TAFA1: variants seen among roughly 807,000 people sequenced by gnomAD.
TAFA1 encodes the protein chemokine-like protein TAFA-1.
In TAFA1, 4 loss-of-function variants were observed where a neutral mutation model predicts 18.5. The observed-to-expected ratio is 0.22, with a 90% confidence interval of 0.11 to 0.49. TAFA1 has a LOEUF of 0.49. TAFA1 is among the 20% of genes least tolerant of loss of function. The pLI is 0.98. For missense variants in TAFA1, 147 were observed against 169.0 expected, an observed-to-expected ratio of 0.87 and a Z score of 0.72; for synonymous variants, 56 against 55.2, an observed-to-expected ratio of 1.01 and a Z score of -0.06.
intron 2 of TAFA1, among the ~76,000 whole-genome samples, chr3:68,070,533 T>C (rs2064741069): frequency 6.6e-6 from 1 of 152,238 alleles, no homozygotes. Context: ...CCCCATTGTC[T>C]TGGGGATTAA....
intron 2 of TAFA1, among the ~76,000 whole-genome samples, chr3:68,156,388 C>T (rs991944494): frequency 3.9e-5 from 6 of 152,120 alleles, no homozygotes; most frequent in African/African-American, 1.4e-4. Flanking sequence ...GACTGGAAAT[C>T]AGGTAGATGT....
intron 2 of TAFA1, among the ~76,000 whole-genome samples, chr3:68,321,064 G>A (rs760399215): frequency 5.9e-5 from 9 of 152,164 alleles, no homozygotes; most frequent in Non-Finnish European, 1.2e-4. Context: ...GGTTGAAATC[G>A]CTGATCTACC....
chr3:68,015,698 T>C (rs1185396198), intron 2 of TAFA1, among the ~76,000 whole-genome samples: 1 of 152,230 alleles, frequency 6.6e-6, no homozygotes, highest in Non-Finnish European at 1.5e-5. Flanking sequence ...TTTAATACTT[T>C]ATGAAAGTTC....
At chr3:68,399,666 G>A (rs373563517) in intron 2 of TAFA1, among the ~76,000 whole-genome samples, 1 of 151,918 alleles carries the variant, frequency 6.6e-6, no homozygotes, top group African/African-American at 2.4e-5. Flanking sequence ...TAATAAAAAC[G>A]ACTACCCACT....
intron 3 of TAFA1, among the ~76,000 whole-genome samples, chr3:68,484,029 C>G (rs983968884): frequency 1.3e-5 from 2 of 152,204 alleles, no homozygotes; most frequent in African/African-American, 4.8e-5. Context: ...ACATGTGACT[C>G]TACATTTTCT....
intron 3 of TAFA1, among the ~76,000 whole-genome samples, chr3:68,427,547 T>A (rs566637101): frequency 2.0e-5 from 3 of 151,962 alleles, no homozygotes; most frequent in Non-Finnish European, 2.9e-5. Flanking sequence ...TTGTATCCCC[T>A]TCTGGGACCT....
intron 2 of TAFA1, among the ~76,000 whole-genome samples, chr3:68,409,033 T>C (rs2070663769): frequency 6.6e-6 from 1 of 152,142 alleles, no homozygotes; most frequent in African/African-American, 2.4e-5. Context: ...ATAAATATTA[T>C]TGTACAAGAA....
intron 2 of TAFA1, among the ~76,000 whole-genome samples, chr3:68,062,001 C>T (rs2064607958): frequency 7.5e-6 from 1 of 133,360 alleles, no homozygotes; most frequent in Admixed American, 8.3e-5. Flanking sequence ...GTAGGGGGTT[C>T]AATGCTTCCA....
chr3:68,401,292 GA>G (rs2070484335), intron 2 of TAFA1, among the ~76,000 whole-genome samples: 1 of 152,148 alleles, frequency 6.6e-6, no homozygotes, highest in Admixed American at 6.6e-5. Context: ...AGCATTTACA[GA>G]GTTCTTCTTG....
At chr3:68,478,810 A>G (rs2072154738) in intron 3 of TAFA1, among the ~76,000 whole-genome samples, 1 of 152,030 alleles carries the variant, frequency 6.6e-6, no homozygotes, top group Admixed American at 6.6e-5. Context: ...GAAATACCCA[A>G]TTCTATATTT....
intron 2 of TAFA1, among the ~76,000 whole-genome samples, chr3:68,269,431 G>C (rs1267329592): frequency 2.6e-5 from 4 of 152,280 alleles, no homozygotes; most frequent in East Asian, 1.9e-4. Context: ...TTGCACCACT[G>C]TACTCAAGCC....
chr3:68,103,291 C>G (rs950088635), intron 2 of TAFA1, among the ~76,000 whole-genome samples: 2 of 152,168 alleles, frequency 1.3e-5, no homozygotes, highest in Non-Finnish European at 2.9e-5. Context: ...TAGCTGCAGG[C>G]TGCAGGAAGG....
intron 2 of TAFA1, among the ~76,000 whole-genome samples, chr3:68,261,758 A>G (rs1214299545): frequency 6.6e-6 from 1 of 151,962 alleles, no homozygotes; most frequent in Non-Finnish European, 1.5e-5. Context: ...ACACACCGGG[A>G]ACTGTTGTGG....
intron 2 of TAFA1, among the ~76,000 whole-genome samples, chr3:68,062,157 G>A (rs2064612026): frequency 6.6e-6 from 1 of 152,054 alleles, no homozygotes; most frequent in Non-Finnish European, 1.5e-5. Context: ...TGTAGACTAA[G>A]TAGTCTCAAA....
At chr3:68,339,955 C>T (rs1454491443) in intron 2 of TAFA1, among the ~76,000 whole-genome samples, 1 of 152,212 alleles carries the variant, frequency 6.6e-6, no homozygotes, top group Non-Finnish European at 1.5e-5. Flanking sequence ...CCACAACCAT[C>T]TTCTGATACG....
chr3:68,227,253 G>T (rs1414188634), intron 2 of TAFA1, among the ~76,000 whole-genome samples: 3 of 152,112 alleles, frequency 2.0e-5, no homozygotes, highest in African/African-American at 7.2e-5. Context: ...AGCAATCTCT[G>T]TTTAGGTTTC....
intron 2 of TAFA1, among the ~76,000 whole-genome samples, chr3:68,404,623 C>T (rs574325945): frequency 1.3e-5 from 2 of 152,088 alleles, no homozygotes; most frequent in South Asian, 4.2e-4. Flanking sequence ...ATAGTGAAAT[C>T]CCGTCTCTAC....
intron 2 of TAFA1, among the ~76,000 whole-genome samples, chr3:68,392,134 A>T (rs866688282): frequency 1.1e-4 from 17 of 150,996 alleles, no homozygotes; most frequent in Middle Eastern, 3.4e-3. Flanking sequence ...GCAAAGACAC[A>T]CATAGGCTCA....
intron 2 of TAFA1, among the ~76,000 whole-genome samples, chr3:68,017,027 G>A (rs906744589): frequency 6.6e-5 from 10 of 152,128 alleles, no homozygotes; most frequent in Admixed American, 5.9e-4. Context: ...GAACACCACT[G>A]TTCTATAGAG....
Sources: allele counts gnomAD v4.1 joint callset (sites outside exome capture counted in the v4.1 genomes callset), GRCh38; gene constraint gnomAD v4.1.1; transcripts MANE v1.5; gene names NCBI Gene and HGNC (gene_info 2026-07-23, HGNC 2026-07-21).